Variants in COL19A1 observed in about 807,000 individuals in gnomAD.
The protein encoded by COL19A1 is collagen alpha-1(XIX) chain.
COL19A1 carries 159 observed loss-of-function variants against 190.2 expected under a neutral mutation model. The observed-to-expected ratio is 0.84, with a 90% CI of 0.73 to 0.95. The LOEUF (loss-of-function observed/expected upper bound fraction) is 0.95. Among genes scored for constraint, COL19A1 ranks in the 40% least tolerant of loss-of-function variants. The pLI is 0.00. For missense variants in COL19A1, 1,418 were observed against 1,431.9 expected (o/e 0.99, Z 0.16); for synonymous variants, 509 against 458.9 (o/e 1.11, Z -1.39).
At chr6:70,073,750 C>T in intron 15 of COL19A1, among the ~76,000 whole-genome samples, 1 of 151,994 alleles carries the variant, frequency 6.6e-6, no homozygotes, top group East Asian at 1.9e-4. Context: ...TTGCCTTTTC[C>T]TTAAAGAAAG....
chr6:70,198,750 C>T (rs151303075), intron 48 of COL19A1, among the ~76,000 whole-genome samples: 42 of 152,306 alleles, frequency 2.8e-4, no homozygotes, highest in African/African-American at 6.7e-4. Context: ...ATTTATCTTA[C>T]ATTTCACATT....
intron 11 of COL19A1, among the ~76,000 whole-genome samples, chr6:69,978,429 A>G (rs935290260): frequency 6.6e-6 from 1 of 152,054 alleles, no homozygotes; most frequent in African/African-American, 2.4e-5. Flanking sequence ...ACATTTTGTA[A>G]GACTCATTCC....
At chr6:70,057,104 A>G (rs79012355) in intron 14 of COL19A1, among the ~76,000 whole-genome samples, 2,595 of 152,278 alleles carry the variant, frequency 0.017, 71 homozygotes, top group African/African-American at 0.058. Context: ...TTAAAACCAC[A>G]TATGTATAGA....
At position 70,077,044 on chromosome 6, in the gene COL19A1, T is replaced by TA. The variant is rs200157838; in HGVS notation, c.1224+8568_1224+8569insA. On this transcript the variant is annotated intron_variant, in intron 15 of 50. Coordinates refer to ENST00000620364, the MANE Select transcript of COL19A1 (RefSeq NM_001858.6). Reference sequence around the variant, plus strand: ...ATTTGGAAAATATAAACAGATAAATTTTCAGAAATGCAAAACATTCGGAGC... The same window carrying TA: ...ATTTGGAAAATATAAACAGATAAATTATTCAGAAATGCAAAACATTCGGAGC... Among the ~76,000 whole-genome samples, 33 of 151,978 alleles carry TA rather than the reference T, an allele frequency of 2.2e-4. No individual in the cohort carries two copies. The South Asian group carries it at 6.9e-3, about 32-fold the overall frequency.
chr6:69,902,170 G>A (rs1182643348), intron 4 of COL19A1, among the ~76,000 whole-genome samples: 1 of 152,150 alleles, frequency 6.6e-6, no homozygotes, highest in African/African-American at 2.4e-5. Context: ...CACTTGTTGA[G>A]CCAAGTATGC....
chr6:69,989,188 G>T (rs983213273), intron 11 of COL19A1, among the ~76,000 whole-genome samples: 15 of 152,026 alleles, frequency 9.9e-5, no homozygotes, highest in Non-Finnish European at 4.4e-5. Context: ...TACATAACTA[G>T]CTCCATTACT....
At chr6:69,912,422 C>T (rs528905874) in intron 4 of COL19A1, among the ~76,000 whole-genome samples, 7 of 152,248 alleles carry the variant, frequency 4.6e-5, no homozygotes, top group South Asian at 4.1e-4. Context: ...TCTGGGAGCC[C>T]GAAAAGTGAT....
chr6:69,869,726 C>T (rs1290881948), intron 1 of COL19A1, among the ~76,000 whole-genome samples: 5 of 152,040 alleles, frequency 3.3e-5, no homozygotes, highest in South Asian at 2.1e-4. Context: ...AGAATGGTAC[C>T]GGAAAAGTTG....
At chr6:70,183,947 CT>C (rs1766341924) in intron 44 of COL19A1, among the ~76,000 whole-genome samples, 1 of 152,184 alleles carries the variant, frequency 6.6e-6, no homozygotes, top group Admixed American at 6.5e-5. Flanking sequence ...ACCTCGAATA[CT>C]TTTCCTTCTT....
At chr6:70,115,020 T>C (rs1281577262) in intron 16 of COL19A1, among the ~76,000 whole-genome samples, 1 of 152,212 alleles carries the variant, frequency 6.6e-6, no homozygotes, top group Non-Finnish European at 1.5e-5. Flanking sequence ...CAAGTTAACC[T>C]GAAGACTTGG....
intron 18 of COL19A1, among the ~76,000 whole-genome samples, chr6:70,132,393 T>C (rs1474550029): frequency 6.6e-6 from 1 of 152,130 alleles, no homozygotes; most frequent in Non-Finnish European, 1.5e-5. Flanking sequence ...AGCAAGACCT[T>C]GTCTCAAAAC....
intron 11 of COL19A1, among the ~76,000 whole-genome samples, chr6:69,981,808 C>T (rs1776048000): frequency 2.0e-5 from 3 of 152,014 alleles, no homozygotes; most frequent in Non-Finnish European, 4.4e-5. Context: ...TTCCCTTGCC[C>T]ATGCCAAGTC....
At chr6:70,000,910 T>G (rs1039409601) in intron 11 of COL19A1, among the ~76,000 whole-genome samples, 2 of 152,218 alleles carry the variant, frequency 1.3e-5, no homozygotes, top group Non-Finnish European at 2.9e-5. Context: ...TTGTTGCAAT[T>G]GCTTTTGGTG....
intron 10 of COL19A1, among the ~76,000 whole-genome samples, chr6:69,960,469 T>C (rs1167032085): frequency 1.3e-5 from 2 of 152,262 alleles, no homozygotes; most frequent in Non-Finnish European, 2.9e-5. Context: ...ATATTATATA[T>C]TACAAAGATG....
At chr6:70,166,019 T>C in intron 37 of COL19A1, 34 bp downstream of exon 37, 1 of 1,586,442 alleles carries the variant, frequency 6.3e-7, no homozygotes, top group Non-Finnish European at 8.7e-7. Context: ...TTAAAATTCA[T>C]GTGTTTACTT....
At chr6:69,978,249 A>G (rs1369321274) in intron 11 of COL19A1, among the ~76,000 whole-genome samples, 1 of 152,186 alleles carries the variant, frequency 6.6e-6, no homozygotes, top group Non-Finnish European at 1.5e-5. Flanking sequence ...ATATACATAC[A>G]TATATAGAGA....
At chr6:70,031,932 C>T (rs886909810) in intron 12 of COL19A1, among the ~76,000 whole-genome samples, 1 of 152,082 alleles carries the variant, frequency 6.6e-6, no homozygotes, top group African/African-American at 2.4e-5. Flanking sequence ...AGAAAAAAAT[C>T]GTTGACACTT....
rs559204930 is a variant in COL19A1 at position 70,157,508 on chromosome 6, C to G, written c.2292+785C>G. On this transcript the variant is annotated intron_variant, in intron 34 of 50. Coordinates refer to ENST00000620364, the MANE Select transcript of COL19A1 (RefSeq NM_001858.6). Reference sequence around the variant, plus strand: ...TAACCTTGATGTTATTGTAGAAAATCATAACTATATAAAGAAAATCTATTT... The same window carrying G: ...TAACCTTGATGTTATTGTAGAAAATGATAACTATATAAAGAAAATCTATTT... Among the ~76,000 whole-genome samples, 5 of 151,978 alleles carry G rather than the reference C, an allele frequency of 3.3e-5. No homozygotes were observed. In the South Asian group the frequency reaches 1.0e-3, roughly 32 times the overall value.
At chr6:69,877,775 C>T (rs1329145514) in intron 1 of COL19A1, among the ~76,000 whole-genome samples, 1 of 151,976 alleles carries the variant, frequency 6.6e-6, no homozygotes, top group African/African-American at 2.4e-5. Context: ...AATCCCAGCA[C>T]TTTGGGAGGC....
Sources: allele counts gnomAD v4.1 joint callset (sites outside exome capture counted in the v4.1 genomes callset), GRCh38; gene constraint gnomAD v4.1.1; transcripts MANE v1.5; gene names NCBI Gene and HGNC (gene_info 2026-07-23, HGNC 2026-07-21).